TBC1D31: variants seen among roughly 807,000 people sequenced by gnomAD.
TBC1D31 encodes TBC1 domain family member 31.
TBC1D31 carries 99 observed loss-of-function variants against 132.9 expected under a neutral mutation model. That is an observed-to-expected ratio of 0.74 (90% CI 0.63 to 0.88). TBC1D31 has a LOEUF of 0.88. TBC1D31 is among the 40% of genes least tolerant of loss of function. The pLI, the probability that TBC1D31 is intolerant of heterozygous loss-of-function variation, is 0.00. For missense variants in TBC1D31, 1,134 were observed against 1,256.6 expected (o/e 0.90, Z 1.48); for synonymous variants, 385 against 419.4 (o/e 0.92, Z 1.00).
At chr8:123,155,880 C>G (rs913854887), downstream of TBC1D31, among the ~76,000 whole-genome samples, 10 of 152,180 alleles carry the variant, frequency 6.6e-5, no homozygotes, top group Non-Finnish European at 1.3e-4. The surrounding 1 kb of genome is among the most constrained non-coding windows in gnomAD (Gnocchi z 4.1). Flanking sequence ...CAGTGAAAGT[C>G]ACAGCTAATG....
the TBC1D31 span, among the ~76,000 whole-genome samples, chr8:123,164,881 A>G: frequency 0.68 from 104,134 of 152,138 alleles, 35,908 homozygotes; most frequent in East Asian, 0.82. Context: ...TTAGGTATCT[A>G]TGTAAGATCA....
chr8:123,102,575 T>C (rs1817546341), intron 7 of TBC1D31: 2 of 236,560 alleles, frequency 8.5e-6, no homozygotes, highest in African/African-American at 2.3e-5. Flanking sequence ...TCACTCCTCA[T>C]TATTTGTGCA....
intron 10 of TBC1D31, among the ~76,000 whole-genome samples, chr8:123,111,962 T>TC (rs1818484404): frequency 6.6e-6 from 1 of 152,040 alleles, no homozygotes; most frequent in African/African-American, 2.4e-5. Flanking sequence ...CAAACGATCC[T>TC]CCCCCCTTAG....
chr8:123,101,511 T>C lies in TBC1D31; in HGVS notation c.1032+504T>C, dbSNP rs192710332. ...CTCATTGCAACCTCTGCCTCCTGGG[T>C]TCAAGTGATTCTCCTGCCTCAGCCT... On this transcript the variant is annotated intron_variant, in intron 7 of 21. Transcript: ENST00000287380. Among the ~76,000 whole-genome samples the C allele has an allele frequency of 3.7e-3, 567 of 152,252 alleles. 2 individuals are homozygous for C. Among genetic ancestry groups the C allele is most frequent in the African/African-American group, 0.013 (549 of 41,526 alleles).
chr8:123,098,782 A>G (rs1817076839), intron 6 of TBC1D31, among the ~76,000 whole-genome samples: 1 of 152,250 alleles, frequency 6.6e-6, no homozygotes, highest in Admixed American at 6.5e-5. Flanking sequence ...TCCTCTTTGT[A>G]GGATAAAATC....
At chr8:123,092,912 A>C (rs1415716822) in intron 4 of TBC1D31, among the ~76,000 whole-genome samples, 6 of 150,128 alleles carry the variant, frequency 4.0e-5, no homozygotes, top group Non-Finnish European at 8.8e-5. Flanking sequence ...CCCAGGTTCA[A>C]ACAATTCTCC....
intron 10 of TBC1D31, among the ~76,000 whole-genome samples, chr8:123,114,931 T>C (rs564107753): frequency 1.3e-3 from 200 of 152,374 alleles, no homozygotes; most frequent in African/African-American, 4.6e-3. Context: ...TCTCAGTATA[T>C]GTAGGTTTAC....
chr8:123,153,607 C>T (rs1349543256), downstream of TBC1D31, among the ~76,000 whole-genome samples: 1 of 152,168 alleles, frequency 6.6e-6, no homozygotes, highest in Non-Finnish European at 1.5e-5. Flanking sequence ...GTCATATGTG[C>T]TTGGTTGACA....
chr8:123,149,787 G>T (rs767450788), intron 20 of TBC1D31, among the ~76,000 whole-genome samples: 4 of 152,190 alleles, frequency 2.6e-5, no homozygotes, highest in African/African-American at 4.8e-5. Context: ...CCATATTTTT[G>T]AGTTTGTTGG....
In TBC1D31 at chr8:123,109,788, GT is replaced by G. The variant is rs1434143105; in HGVS notation, c.1436+171del. Among the ~76,000 whole-genome samples, 4 of 152,278 alleles carry G rather than the reference GT, an allele frequency of 2.6e-5. No individual in the cohort carries two copies. The East Asian group carries it at 7.7e-4, about 29-fold the overall frequency. ...GCACATATATTACATGTGAATATTAGTTTGTGTTGTGTTCTAGAAAATAGGA... is the reference window on the plus strand; with the variant it reads ...GCACATATATTACATGTGAATATTAGTTGTGTTGTGTTCTAGAAAATAGGA... On this transcript the variant is annotated intron_variant, in intron 10 of 21. Transcript: ENST00000287380.
At chr8:123,117,622 G>A (rs555170915) in intron 10 of TBC1D31, among the ~76,000 whole-genome samples, 80 of 151,034 alleles carry the variant, frequency 5.3e-4, no homozygotes, top group Non-Finnish European at 8.4e-4. Flanking sequence ...GCATGGTGGC[G>A]CGCGCCTGTA....
chr8:123,092,160 G>A (rs368338997), intron 4 of TBC1D31, among the ~76,000 whole-genome samples: 7 of 151,922 alleles, frequency 4.6e-5, no homozygotes, highest in African/African-American at 1.2e-4. Context: ...GATTACAGGC[G>A]TCTGCCACCA....
downstream of TBC1D31, among the ~76,000 whole-genome samples, chr8:123,153,380 T>A (rs1822906564): frequency 6.6e-6 from 1 of 152,236 alleles, no homozygotes; most frequent in Admixed American, 6.5e-5. Context: ...ACACGCCACA[T>A]ACGCATACAA....
In TBC1D31 at chr8:123,105,477, G is replaced by A. The variant is rs1817838733; in HGVS notation, c.1209+13G>A. ...TGAAAGTAAAAAGGTAAGAATATTTGGTAATTAAACTTTGTCATGATTCTG... is the reference window on the plus strand; with the variant it reads ...TGAAAGTAAAAAGGTAAGAATATTTAGTAATTAAACTTTGTCATGATTCTG... On this transcript the variant is annotated intron_variant, in intron 8 of 21. Transcript: ENST00000287380. The A allele has an allele frequency of 4.4e-6, 7 of 1,598,460 alleles. No individual in the cohort carries two copies. Among genetic ancestry groups the A allele is most frequent in the Admixed American group, 1.7e-5 (1 of 59,044 alleles).
intron 2 of TBC1D31, among the ~76,000 whole-genome samples, chr8:123,080,052 C>T (rs1020426659): frequency 6.6e-6 from 1 of 152,024 alleles, no homozygotes; most frequent in Non-Finnish European, 1.5e-5. Context: ...ACCCTTGTAA[C>T]AAAAGATAGA....
At chr8:123,109,229 TG>T in intron 8 of TBC1D31, 87 bp from the exon 9 acceptor site, 1 of 891,392 alleles carries the variant, frequency 1.1e-6, no homozygotes, top group East Asian at 2.4e-5. Flanking sequence ...TTTCTAAAGT[TG>T]GGAAGTCACT....
rs148379031 is a variant in TBC1D31, at chr8:123,087,146, A to G, written c.519+2806A>G. 3.0e-4 allele frequency among the ~76,000 whole-genome samples: 45 copies of G among 152,354 alleles called. No individual in the cohort carries two copies. The East Asian group carries it at 6.0e-3, about 20-fold the overall frequency. ...GCTGATTTTATTCAAATGAGCACAC[A>G]GGCCCTATTCCTCAAAGCCACTTCA... On this transcript the variant is annotated intron_variant, in intron 4 of 21. Coordinates refer to ENST00000287380, the MANE Select transcript of TBC1D31 (RefSeq NM_145647.4).
intron 16 of TBC1D31, among the ~76,000 whole-genome samples, chr8:123,133,364 A>C (rs1820800583): frequency 6.6e-6 from 1 of 152,148 alleles, no homozygotes; most frequent in Non-Finnish European, 1.5e-5. Context: ...CTCCTTTCCC[A>C]ATAACCTCTT....
chr8:123,150,246 A>T lies in TBC1D31; in HGVS notation c.3067+118A>T, dbSNP rs1822643727. 4.1e-6 allele frequency: 3 copies of T among 735,652 alleles called. No homozygotes were observed. In the Admixed American group the frequency reaches 7.3e-5, roughly 18 times the overall value. 45.6% of individuals were successfully genotyped at this position (735,652 alleles called of 1,614,324 possible). On this transcript the variant is annotated intron_variant, in intron 21 of 21. Coordinates refer to ENST00000287380, the MANE Select transcript of TBC1D31 (RefSeq NM_145647.4). ...GACGCCATTTTCCCAGGGCACTGATAATGGAAATCCTAAAAGGGAGGCAGC... is the reference window on the plus strand; with the variant it reads ...GACGCCATTTTCCCAGGGCACTGATTATGGAAATCCTAAAAGGGAGGCAGC...
Sources: allele counts gnomAD v4.1 joint callset (sites outside exome capture counted in the v4.1 genomes callset), GRCh38; gene constraint gnomAD v4.1.1; non-coding constraint Gnocchi (gnomAD v3.1); transcripts MANE v1.5; gene names NCBI Gene and HGNC (gene_info 2026-07-23, HGNC 2026-07-21).